A4GALT: variants seen among roughly 807,000 people sequenced by gnomAD.
The protein encoded by A4GALT is alpha 1,4-galactosyltransferase (P1PK blood group).
For synonymous variants in A4GALT, 257 were observed against 220.7 expected (o/e 1.16, Z -1.46); for missense variants, 512 against 486.0 (o/e 1.05, Z -0.50).
chr22:42,709,065 A>AT (rs972762721), intron 1 of A4GALT, among the ~76,000 whole-genome samples: 4 of 93,602 alleles, frequency 4.3e-5, no homozygotes, highest in African/African-American at 9.0e-5. Context: ...ATATATATAT[A>AT]TATTTTTTTT....
chr22:42,716,794 G>A (rs1922220197), intron 1 of A4GALT, among the ~76,000 whole-genome samples: 1 of 152,180 alleles, frequency 6.6e-6, no homozygotes, highest in African/African-American at 2.4e-5. Context: ...TGGCTTAATG[G>A]GTAGAGGCCT....
chr22:42,703,539 C>T (rs1438740987), intron 1 of A4GALT, among the ~76,000 whole-genome samples: 1 of 152,118 alleles, frequency 6.6e-6, no homozygotes, highest in African/African-American at 2.4e-5. Flanking sequence ...CAGGTGTGAG[C>T]CACTGTGCCC....
chr22:42,692,480 T>TCCTAC lies in A4GALT; in HGVS notation c.*405_*409dup, dbSNP rs1211484407. ...TGGGTCTCCCCCAGCCCTGCCACTT[T>TCCTAC]CCTACCAACAGCCTCCTCTCCTCTC... On this transcript the variant is annotated 3_prime_UTR_variant, in exon 3 of 3. Coordinates refer to ENST00000642412, the MANE Select transcript of A4GALT (RefSeq NM_017436.7). The surrounding 1 kb of genome is among the most constrained non-coding windows in gnomAD (Gnocchi z 4.6). The TCCTAC allele has an allele frequency of 2.8e-6, 1 of 360,678 alleles. No homozygotes were observed. The highest frequency in any genetic ancestry group is 5.5e-6 in the Non-Finnish European group (1 of 181,846). 22.3% of individuals were successfully genotyped at this position (360,678 alleles called of 1,614,324 possible).
intron 1 of A4GALT, among the ~76,000 whole-genome samples, chr22:42,703,662 G>GTCACTTTCCTT (rs1371094513): frequency 6.6e-6 from 1 of 152,164 alleles, no homozygotes; most frequent in African/African-American, 2.4e-5. Flanking sequence ...CCTTAGACAG[G>GTCACTTTCCTT]TCACTTTCCT....
At chr22:42,705,262 G>A (rs1357878158) in intron 1 of A4GALT, among the ~76,000 whole-genome samples, 1 of 152,138 alleles carries the variant, frequency 6.6e-6, no homozygotes, top group African/African-American at 2.4e-5. Flanking sequence ...AAACGGGGGT[G>A]AGGAGCACAA....
At position 42,692,798 on chromosome 22, in the gene A4GALT, C is replaced by G; in HGVS notation, c.*92G>C. ...GCCTAAGCCCGGTGGCAGCTCGGGC[C>G]TCCCTCTCCCGGGCCCTCAATCTTG... On this transcript the variant is annotated 3_prime_UTR_variant, in exon 3 of 3. Coordinates refer to ENST00000642412, the MANE Select transcript of A4GALT (RefSeq NM_017436.7). This position sits in a 1 kb window ranked among gnomAD's most constrained non-coding sequence, Gnocchi z 4.6. 6.7e-7 allele frequency: 1 copy of G among 1,501,422 alleles called. No individual in the cohort carries two copies. The allele number at this position is 1,501,422 out of a possible 1,614,324, so 93.0% of individuals were successfully genotyped here. A position where few individuals can be genotyped will look rare whatever the true frequency, so the allele number is the denominator to read the frequency against.
chr22:42,697,590 G>C (rs135108), intron 1 of A4GALT, among the ~76,000 whole-genome samples: 1 of 152,020 alleles, frequency 6.6e-6, no homozygotes, highest in African/African-American at 2.4e-5. Flanking sequence ...TCGGACCACA[G>C]TTGGGGGTGC....
chr22:42,717,423 C>G (rs1922286522), intron 1 of A4GALT, among the ~76,000 whole-genome samples: 1 of 152,118 alleles, frequency 6.6e-6, no homozygotes, highest in Non-Finnish European at 1.5e-5. Context: ...TGGGGCCCTC[C>G]CCTCCGCTGA....
At chr22:42,704,208 C>T (rs780908974) in intron 1 of A4GALT, among the ~76,000 whole-genome samples, 3 of 152,120 alleles carry the variant, frequency 2.0e-5, no homozygotes, top group Non-Finnish European at 2.9e-5. Flanking sequence ...TGTGCCCAGG[C>T]GCAGTGGCTC....
At chr22:42,706,049 C>CAAAAA (rs763747325) in intron 1 of A4GALT, among the ~76,000 whole-genome samples, 16 of 24,488 alleles carry the variant, frequency 6.5e-4, no homozygotes, top group African/African-American at 1.6e-3. Flanking sequence ...GACTACATCT[C>CAAAAA]AAAAAAAAAA....
At chr22:42,706,225 G>T (rs1410886192) in intron 1 of A4GALT, among the ~76,000 whole-genome samples, 1 of 146,836 alleles carries the variant, frequency 6.8e-6, no homozygotes, top group African/African-American at 2.5e-5. Context: ...CGTGGTGGCG[G>T]GCACCTATAG....
intron 1 of A4GALT, among the ~76,000 whole-genome samples, chr22:42,708,819 A>C (rs1161695652): frequency 1.3e-5 from 2 of 152,090 alleles, no homozygotes; most frequent in Non-Finnish European, 2.9e-5. Context: ...ATAAAATTTA[A>C]AACCTGAATA....
intron 2 of A4GALT, 36 bp from the exon 3 acceptor site, chr22:42,694,033 T>C: frequency 7.9e-7 from 1 of 1,272,286 alleles, no homozygotes; most frequent in African/African-American, 1.5e-5. Context: ...AGGGAGGCCG[T>C]TGGCATTCCC....
At chr22:42,720,308 C>A (rs986871939) in intron 1 of A4GALT, among the ~76,000 whole-genome samples, 4 of 152,246 alleles carry the variant, frequency 2.6e-5, no homozygotes, top group Non-Finnish European at 4.4e-5. Flanking sequence ...GCTGCCAGCC[C>A]GGCAGAGCCC....
chr22:42,699,817 G>A (rs1931180163), intron 1 of A4GALT, among the ~76,000 whole-genome samples: 1 of 152,178 alleles, frequency 6.6e-6, no homozygotes, highest in African/African-American at 2.4e-5. Flanking sequence ...GGGTGTGTCT[G>A]GGGGTGTTTC....
At chr22:42,700,138 A>G (rs540388794) in intron 1 of A4GALT, among the ~76,000 whole-genome samples, 1 of 152,242 alleles carries the variant, frequency 6.6e-6, no homozygotes, top group Non-Finnish European at 1.5e-5. Flanking sequence ...CAATGGTGGG[A>G]CCAGATGGGG....
intron 1 of A4GALT, among the ~76,000 whole-genome samples, chr22:42,702,125 CCTTT>C (rs1486711725): frequency 6.6e-6 from 1 of 151,948 alleles, no homozygotes. Flanking sequence ...CTCTCTCTCT[CCTTT>C]CTCTCTCCTC....
chr22:42,718,645 TG>T (rs1431109239), intron 1 of A4GALT: 1 of 152,190 alleles, frequency 6.6e-6, no homozygotes, highest in East Asian at 1.9e-4. Flanking sequence ...AAACAGGAAT[TG>T]TTTTTCCTAC....
At chr22:42,704,264 T>C (rs1305744929) in intron 1 of A4GALT, among the ~76,000 whole-genome samples, 1 of 152,078 alleles carries the variant, frequency 6.6e-6, no homozygotes. Flanking sequence ...GGGCAAATCA[T>C]GAGGTCAGGA....
Sources: allele counts gnomAD v4.1 joint callset (sites outside exome capture counted in the v4.1 genomes callset), GRCh38; gene constraint gnomAD v4.1.1; non-coding constraint Gnocchi (gnomAD v3.1); transcripts MANE v1.5; gene names NCBI Gene and HGNC (gene_info 2026-07-23, HGNC 2026-07-21).